PDIA5: variants seen among roughly 807,000 people sequenced by gnomAD.
PDIA5 encodes the protein protein disulfide-isomerase A5.
A neutral mutation model predicts 77.6 loss-of-function variants in PDIA5; 58 were observed. The observed-to-expected ratio is 0.75, with a 90% confidence interval of 0.61 to 0.93. The LOEUF (loss-of-function observed/expected upper bound fraction) is 0.93, where lower values mean the gene tolerates loss of function less well. Ranked by LOEUF, PDIA5 falls within the 40% of genes least tolerant of loss-of-function variation. The probability of loss-of-function intolerance (pLI) is 0.00; values close to 1 mark genes in which losing one functional copy is unlikely to be tolerated. For missense variants in PDIA5, 630 were observed against 647.7 expected, an observed-to-expected ratio of 0.97 and a Z score of 0.30; for synonymous variants, 250 against 252.1, an observed-to-expected ratio of 0.99 and a Z score of 0.08.
chr3:123,091,553 G>C (rs1934283455), intron 2 of PDIA5, among the ~76,000 whole-genome samples: 1 of 152,122 alleles, frequency 6.6e-6, no homozygotes, highest in Non-Finnish European at 1.5e-5. Flanking sequence ...CAGAGGCTCT[G>C]TCCCTAAGAC....
chr3:123,113,485 G>T (rs1243461567), intron 7 of PDIA5, among the ~76,000 whole-genome samples: 1 of 152,200 alleles, frequency 6.6e-6, no homozygotes, highest in Non-Finnish European at 1.5e-5. Context: ...CTTATTGGTG[G>T]TAGGGGAGGG....
intron 11 of PDIA5, among the ~76,000 whole-genome samples, chr3:123,135,196 T>C (rs543016149): frequency 6.6e-6 from 1 of 152,292 alleles, no homozygotes; most frequent in African/African-American, 2.4e-5. Flanking sequence ...TTTGTCCCTC[T>C]CTAGTAACTT....
chr3:123,161,670 A>T, intron 16 of PDIA5: 1 of 650,242 alleles, frequency 1.5e-6, no homozygotes. Flanking sequence ...CCCCAGAGGC[A>T]GGCTGGACTC....
intron 6 of PDIA5, among the ~76,000 whole-genome samples, chr3:123,108,036 A>G (rs1358390211): frequency 6.6e-6 from 1 of 152,050 alleles, no homozygotes; most frequent in East Asian, 1.9e-4. Context: ...TCCTCAAGCA[A>G]TCCTCCTGCC....
chr3:123,154,182 G>C (rs1320974497), intron 14 of PDIA5, among the ~76,000 whole-genome samples: 1 of 152,188 alleles, frequency 6.6e-6, no homozygotes, highest in African/African-American at 2.4e-5. Flanking sequence ...TGGGGCTCAG[G>C]GTGATGCCCA....
intron 5 of PDIA5, among the ~76,000 whole-genome samples, chr3:123,104,091 G>A (rs1934672259): frequency 6.6e-6 from 1 of 152,192 alleles, no homozygotes; most frequent in African/African-American, 2.4e-5. Context: ...TGGGTGTCTG[G>A]GTGGGAGAGG....
At position 123,096,179 on chromosome 3, in the gene PDIA5, C is replaced by G. The variant is rs537648960; in HGVS notation, c.257+3737C>G. 2.0e-5 allele frequency among the ~76,000 whole-genome samples: 3 copies of G among 152,054 alleles called. No homozygotes were observed. The East Asian group carries it at 5.8e-4, about 30-fold the overall frequency. On this transcript the variant is annotated intron_variant, in intron 3 of 16. Coordinates refer to ENST00000316218, the MANE Select transcript of PDIA5 (RefSeq NM_006810.4). Reference sequence around the variant, plus strand: ...TTTCCCAATCCTGAGTCCAGGACTCCCCCTGCACCGCCCCATTGCATGGCC... The same window carrying G: ...TTTCCCAATCCTGAGTCCAGGACTCGCCCTGCACCGCCCCATTGCATGGCC...
At chr3:123,125,166 C>T (rs75747351) in intron 10 of PDIA5, among the ~76,000 whole-genome samples, 2 of 152,344 alleles carry the variant, frequency 1.3e-5, no homozygotes, top group Non-Finnish European at 2.9e-5. Flanking sequence ...GCACCCTACT[C>T]AGGCTGCGCT....
intron 1 of PDIA5, among the ~76,000 whole-genome samples, chr3:123,073,716 G>A (rs1431797207): frequency 6.6e-6 from 1 of 152,230 alleles, no homozygotes; most frequent in East Asian, 1.9e-4. Context: ...TGGTGTGATG[G>A]TGGGCCTGTG....
At chr3:123,130,687 C>T (rs1935353131) in intron 11 of PDIA5, 71 bp downstream of exon 11, 3 of 1,529,276 alleles carry the variant, frequency 2.0e-6, no homozygotes, top group Admixed American at 3.4e-5. Flanking sequence ...TGGCGCTTTG[C>T]AATGTGAACC....
intron 1 of PDIA5, among the ~76,000 whole-genome samples, chr3:123,081,692 G>A (rs1468785158): frequency 1.3e-5 from 2 of 152,150 alleles, no homozygotes; most frequent in Admixed American, 6.5e-5. Flanking sequence ...TCCTCCGTTA[G>A]CAAGCTGCTT....
rs1336433194 is a variant in PDIA5, at chr3:123,145,580, T to C, written c.969T>C (p.His323=). 5.6e-6 allele frequency: 9 copies of C among 1,612,992 alleles called. No homozygotes were observed. The highest frequency in any genetic ancestry group is 1.7e-5 in the Admixed American group (1 of 59,996). The change falls in exon 12 of 17, where the codon CAT becomes CAC. Residue 323 remains histidine (H), a synonymous_variant. Coordinates refer to ENST00000316218, the MANE Select transcript of PDIA5 (RefSeq NM_006810.4). The part of the protein sequence containing the change: ...PEFEKAAEAL[H]GEADSSGVLA... ...TTGAGAAGGCAGCAGAAGCCCTCCA[T>C]GGAGAAGCGGATGTAAGCTTCCTTT...
At chr3:123,089,633 A>G (rs1234684915) in intron 2 of PDIA5, among the ~76,000 whole-genome samples, 1 of 152,276 alleles carries the variant, frequency 6.6e-6, no homozygotes, top group East Asian at 1.9e-4. Context: ...CTTCCTGCAC[A>G]GGCATGGGGC....
At chr3:123,143,815 G>A (rs970866680) in intron 11 of PDIA5, among the ~76,000 whole-genome samples, 4 of 152,154 alleles carry the variant, frequency 2.6e-5, no homozygotes, top group African/African-American at 4.8e-5. Context: ...TGTTGATGTG[G>A]CTAAGCACTG....
intron 15 of PDIA5, among the ~76,000 whole-genome samples, chr3:123,159,022 G>A (rs763887863): frequency 1.7e-4 from 26 of 152,226 alleles, no homozygotes; most frequent in Non-Finnish European, 3.5e-4. Flanking sequence ...CTGGCAGCTA[G>A]TTTAGGTGAT....
chr3:123,110,796 T>C (rs1206929177), intron 6 of PDIA5, 148 bp from the exon 7 acceptor site: 1 of 733,938 alleles, frequency 1.4e-6, no homozygotes, highest in African/African-American at 1.7e-5. Context: ...GCAAATCAGC[T>C]GCCAGCGTAT....
At chr3:123,072,170 T>C (rs901191157) in intron 1 of PDIA5, among the ~76,000 whole-genome samples, 1 of 152,278 alleles carries the variant, frequency 6.6e-6, no homozygotes, top group African/African-American at 2.4e-5. Flanking sequence ...CATCCTTACT[T>C]TCCTCTCTGT....
intron 10 of PDIA5, among the ~76,000 whole-genome samples, chr3:123,128,958 G>T (rs928688582): frequency 6.6e-6 from 1 of 152,168 alleles, no homozygotes; most frequent in Non-Finnish European, 1.5e-5. Context: ...ATCTCCAGCA[G>T]TTTGTCCACA....
intron 8 of PDIA5, among the ~76,000 whole-genome samples, chr3:123,122,958 G>T (rs1935153643): frequency 6.6e-6 from 1 of 152,148 alleles, no homozygotes; most frequent in Non-Finnish European, 1.5e-5. Flanking sequence ...GGCCATTCTA[G>T]CTGTGTTCTC....
Sources: allele counts gnomAD v4.1 joint callset (sites outside exome capture counted in the v4.1 genomes callset), GRCh38; gene constraint gnomAD v4.1.1; transcripts MANE v1.5; gene names NCBI Gene and HGNC (gene_info 2026-07-23, HGNC 2026-07-21).